The following DLGAP4 variants were observed in gnomAD, a reference collection of about 807,000 sequenced individuals.
DLGAP4 encodes disks large-associated protein 4.
In DLGAP4, 18 loss-of-function variants were observed where a neutral mutation model predicts 86.9. The ratio of observed to expected loss-of-function variants is 0.21; its 90% CI spans 0.14 to 0.31. DLGAP4 has a LOEUF of 0.31. DLGAP4 is among the 10% of genes least tolerant of loss of function. The probability of loss-of-function intolerance (pLI) is 1.00; values close to 1 mark genes in which losing one functional copy is unlikely to be tolerated. For missense variants in DLGAP4, 1,085 were observed against 1,362.6 expected (o/e 0.80, Z 3.21); for synonymous variants, 548 against 574.3 (o/e 0.95, Z 0.65).
chr20:36,413,949 C>T (rs2032580324), intron 2 of DLGAP4, among the ~76,000 whole-genome samples: 1 of 152,250 alleles, frequency 6.6e-6, no homozygotes, highest in African/African-American at 2.4e-5. Context: ...TAGGGTCACA[C>T]CATGGGGAAG....
intron 2 of DLGAP4, among the ~76,000 whole-genome samples, chr20:36,402,753 T>A (rs6130680): frequency 0.11 from 16,704 of 150,910 alleles, 1,039 homozygotes; most frequent in East Asian, 0.19. Flanking sequence ...AAAAAAAAAT[T>A]TTTTTTTATT....
chr20:36,436,300 C>A lies in DLGAP4; in HGVS notation c.1191C>A (p.Ser397Arg). 6.2e-7 allele frequency: 1 copy of A among 1,604,374 alleles called. No individual in the cohort carries two copies. The highest frequency in any genetic ancestry group is 8.5e-7 in the Non-Finnish European group (1 of 1,179,046). Residue 397 changes from serine to arginine, a missense_variant, in exon 4 of 13, where the codon AGC becomes AGA. Ser to Arg is a moderately radical substitution (Grantham distance 110). Transcript: ENST00000339266. ...PSPKTAARRQ[S>R]YLRATQQSLG... ...CCAAGACCGCGGCGCGGCGCCAGAGCTATCTGAGGGCCACGCAGCAGTCGC... is the reference window on the plus strand; with the variant it reads ...CCAAGACCGCGGCGCGGCGCCAGAGATATCTGAGGGCCACGCAGCAGTCGC...
chr20:36,469,772 T>C (rs1000029234), intron 7 of DLGAP4, among the ~76,000 whole-genome samples: 3 of 141,854 alleles, frequency 2.1e-5, no homozygotes, highest in Admixed American at 2.1e-4. Context: ...AAAAAAAAAG[T>C]AACAAAAGAG....
intron 4 of DLGAP4, among the ~76,000 whole-genome samples, chr20:36,438,665 T>C (rs1465200137): frequency 1.3e-5 from 2 of 151,078 alleles, no homozygotes; most frequent in Non-Finnish European, 2.9e-5. Context: ...GTGCTGGGAT[T>C]ATAGGTGTGA....
intron 7 of DLGAP4, among the ~76,000 whole-genome samples, chr20:36,493,815 C>T (rs983271007): frequency 1.3e-5 from 2 of 152,204 alleles, no homozygotes; most frequent in African/African-American, 4.8e-5. Flanking sequence ...GCAAAGTGGG[C>T]ATAGTCACGA....
At chr20:36,307,309 A>G (rs2065013236) in intron 1 of DLGAP4, among the ~76,000 whole-genome samples, 1 of 152,174 alleles carries the variant, frequency 6.6e-6, no homozygotes, top group Non-Finnish European at 1.5e-5. Flanking sequence ...AGCTGGGTCC[A>G]GATGTGCTGG....
At chr20:36,492,803 GT>G (rs2035723961) in intron 7 of DLGAP4, 1 of 152,118 alleles carries the variant, frequency 6.6e-6, no homozygotes, top group Non-Finnish European at 1.5e-5. Flanking sequence ...GTTGGCTTCC[GT>G]TTTCTGATCT....
intron 9 of DLGAP4, 148 bp downstream of exon 9, chr20:36,499,824 G>GT: frequency 1.7e-6 from 1 of 602,258 alleles, no homozygotes. Flanking sequence ...CCAGGCATGG[G>GT]AGGCTGGGCA....
chr20:36,431,641 C>G lies in DLGAP4; in HGVS notation c.-72-5C>G. 1 of 1,485,980 alleles carries G rather than the reference C, an allele frequency of 6.7e-7. No homozygotes were observed. The highest frequency in any genetic ancestry group is 9.0e-7 in the Non-Finnish European group (1 of 1,112,048). The allele number at this position is 1,485,980 out of a possible 1,614,324, so 92.0% of individuals were successfully genotyped here. On this transcript the variant is annotated splice_polypyrimidine_tract_variant and splice_region_variant and intron_variant, in intron 2 of 12. Transcript: ENST00000339266. The surrounding 1 kb of genome is among the most constrained non-coding windows in gnomAD (Gnocchi z 5.1). ...AGCTGACCGCTTTCTGTCTTCTCTC[C>G]CTAGGATAGCTGCCGCCCGGGAGAG... is the stretch of plus-strand genomic sequence containing the variant.
chr20:36,307,164 G>A (rs1486513017), intron 1 of DLGAP4, among the ~76,000 whole-genome samples: 2 of 152,180 alleles, frequency 1.3e-5, no homozygotes, highest in African/African-American at 4.8e-5. Context: ...TCCCTGGGAG[G>A]GGCTGGGCTG....
chr20:36,445,641 C>T (rs1011686032), intron 6 of DLGAP4, among the ~76,000 whole-genome samples: 3 of 152,180 alleles, frequency 2.0e-5, no homozygotes, highest in African/African-American at 7.2e-5. Flanking sequence ...GAGAAACTGA[C>T]CCAGAGAAGA....
At chr20:36,444,071 C>T (rs569694433) in intron 6 of DLGAP4, among the ~76,000 whole-genome samples, 7 of 152,286 alleles carry the variant, frequency 4.6e-5, no homozygotes, top group African/African-American at 1.4e-4. Context: ...GACCCCATGC[C>T]CCCGGCAGTC....
intron 2 of DLGAP4, among the ~76,000 whole-genome samples, chr20:36,402,286 CA>C (rs751849453): frequency 6.6e-6 from 1 of 152,144 alleles, no homozygotes; most frequent in Non-Finnish European, 1.5e-5. Flanking sequence ...TACCACTTAC[CA>C]ACTGGGCAAG....
chr20:36,461,889 C>G, intron 7 of DLGAP4: 1 of 985,082 alleles, frequency 1.0e-6, no homozygotes, highest in Non-Finnish European at 1.2e-6. Context: ...CAGCCCCTCC[C>G]TCGCTCCCCA....
intron 2 of DLGAP4, among the ~76,000 whole-genome samples, chr20:36,388,509 C>T (rs1401497411): frequency 2.0e-5 from 3 of 152,164 alleles, no homozygotes; most frequent in Non-Finnish European, 4.4e-5. Flanking sequence ...TTTCTCTAGA[C>T]TCCCAAACTC....
chr20:36,470,926 T>G (rs1212847266), intron 7 of DLGAP4, among the ~76,000 whole-genome samples: 4 of 152,218 alleles, frequency 2.6e-5, no homozygotes, highest in Admixed American at 2.6e-4. Context: ...TAAACAGTGC[T>G]GCAGTGAACA....
intron 1 of DLGAP4, among the ~76,000 whole-genome samples, chr20:36,356,016 C>T (rs1323858128): frequency 6.6e-6 from 1 of 152,198 alleles, no homozygotes; most frequent in African/African-American, 2.4e-5. Flanking sequence ...CCTGGATGGG[C>T]AAGTGAGATA....
At chr20:36,449,385 G>A (rs1055268553) in intron 7 of DLGAP4, among the ~76,000 whole-genome samples, 8 of 152,194 alleles carry the variant, frequency 5.3e-5, no homozygotes, top group African/African-American at 1.9e-4. Context: ...TTTGCCTTCT[G>A]GGACTCTGAA....
chr20:36,516,175 C>T (rs2037023619), intron 10 of DLGAP4, among the ~76,000 whole-genome samples: 1 of 152,190 alleles, frequency 6.6e-6, no homozygotes, highest in Non-Finnish European at 1.5e-5. Flanking sequence ...TGCTTGATTC[C>T]AGGCTATGTG....
Sources: allele counts gnomAD v4.1 joint callset (sites outside exome capture counted in the v4.1 genomes callset), GRCh38; gene constraint gnomAD v4.1.1; non-coding constraint Gnocchi (gnomAD v3.1); transcripts MANE v1.5; gene names NCBI Gene and HGNC (gene_info 2026-07-23, HGNC 2026-07-21).